GPD1L: variants seen among roughly 807,000 people sequenced by gnomAD.
GPD1L encodes glycerol-3-phosphate dehydrogenase 1 like, also known as glycerol-3-phosphate dehydrogenase 1-like protein.
Under a neutral mutation model 32.9 loss-of-function variants are expected in GPD1L, and 17 were observed. The ratio of observed to expected loss-of-function variants is 0.52; its 90% CI spans 0.35 to 0.78. The LOEUF is 0.78. Among genes scored for constraint, GPD1L ranks in the 30% least tolerant of loss-of-function variants. The probability of loss-of-function intolerance (pLI) is 0.01; values close to 1 mark genes in which losing one functional copy is unlikely to be tolerated. For synonymous variants in GPD1L, 187 were observed against 165.9 expected (o/e 1.13, Z -0.98); for missense variants, 361 against 447.8 (o/e 0.81, Z 1.75).
At position 32,138,685 on chromosome 3, in the gene GPD1L, T is replaced by C. The variant is rs770277485; in HGVS notation, c.324T>C (p.Thr108=). 1 of 1,614,078 alleles carries C rather than the reference T, an allele frequency of 6.2e-7. No individual in the cohort carries two copies. The highest frequency in any genetic ancestry group is 8.5e-7 in the Non-Finnish European group (1 of 1,179,956). The part of the protein sequence containing the change: ...QFIHRICDEI[T]GRVPKKALGI... The stretch of plus-strand genomic sequence containing the variant: ...TTCACAGAATCTGTGATGAGATCAC[T>C]GGGAGAGTGCCCAAGAAAGCGCTGG... Residue 108 remains threonine, a synonymous_variant, in exon 3 of 8, where the codon ACT becomes ACC. Coordinates refer to ENST00000282541, the MANE Select transcript of GPD1L (RefSeq NM_015141.4).
rs183206257 is a variant in GPD1L, at chr3:32,168,286, C to T, written c.*2376C>T. 1 of 152,730 alleles carries T rather than the reference C, an allele frequency of 6.5e-6. No individual in the cohort carries two copies. The highest frequency in any genetic ancestry group is 6.5e-5 in the Admixed American group (1 of 15,298). 9.5% of individuals were successfully genotyped at this position (152,730 alleles called of 1,614,324 possible). A position where few individuals can be genotyped will look rare whatever the true frequency, so the allele number is the denominator to read the frequency against. The stretch of plus-strand genomic sequence containing the variant: ...GCGAGTTATCTATTTTTATAACCAC[C>T]TGTGGTCCATTGTTCATTTTAATTC... On this transcript the variant is annotated 3_prime_UTR_variant, in exon 8 of 8. Coordinates refer to ENST00000282541, the MANE Select transcript of GPD1L (RefSeq NM_015141.4).
At chr3:32,152,309 G>A (rs1195363399) in intron 5 of GPD1L, among the ~76,000 whole-genome samples, 2 of 152,058 alleles carry the variant, frequency 1.3e-5, no homozygotes, top group East Asian at 1.9e-4. Flanking sequence ...TATAGAATTC[G>A]CAGGGATCCA....
intron 1 of GPD1L, among the ~76,000 whole-genome samples, chr3:32,107,848 G>A (rs1700186198): frequency 6.6e-6 from 1 of 152,146 alleles, no homozygotes; most frequent in East Asian, 1.9e-4. Flanking sequence ...TGCATTATAA[G>A]GAGTTATTTG....
chr3:32,119,135 A>G (rs1293563138), intron 1 of GPD1L, among the ~76,000 whole-genome samples: 4 of 152,232 alleles, frequency 2.6e-5, no homozygotes, highest in Non-Finnish European at 4.4e-5. Context: ...TATACCCAGA[A>G]ACAGAATTGC....
chr3:32,162,192 CT>C (rs1399347937), intron 7 of GPD1L, among the ~76,000 whole-genome samples: 1 of 152,132 alleles, frequency 6.6e-6, no homozygotes, highest in Non-Finnish European at 1.5e-5. Flanking sequence ...ACCATGGTCC[CT>C]ACCAGCTTGA....
At chr3:32,159,855 CAT>C (rs1373431972) in intron 7 of GPD1L, among the ~76,000 whole-genome samples, 181 bp downstream of exon 7, 4 of 152,328 alleles carry the variant, frequency 2.6e-5, no homozygotes, top group Admixed American at 1.3e-4. Context: ...ACTCCCAAAA[CAT>C]GTGTTTACAC....
intron 2 of GPD1L, among the ~76,000 whole-genome samples, chr3:32,133,652 G>A (rs1025905872): frequency 1.3e-5 from 2 of 152,112 alleles, no homozygotes; most frequent in African/African-American, 4.8e-5. Flanking sequence ...ATGAATGAAT[G>A]GAGAAAGCAT....
chr3:32,125,721 C>T (rs1206633868), intron 1 of GPD1L, among the ~76,000 whole-genome samples: 2 of 152,190 alleles, frequency 1.3e-5, no homozygotes, highest in Non-Finnish European at 1.5e-5. Context: ...TCTCTCTGAG[C>T]GGGTGGTAAG....
chr3:32,121,114 G>T (rs953013139), intron 1 of GPD1L, among the ~76,000 whole-genome samples: 9 of 152,012 alleles, frequency 5.9e-5, no homozygotes, highest in Non-Finnish European at 1.2e-4. Flanking sequence ...TGCCCACCCC[G>T]TCCCTTCCTT....
At chr3:32,115,035 G>A (rs9860131) in intron 1 of GPD1L, among the ~76,000 whole-genome samples, 62,773 of 152,068 alleles carry the variant, frequency 0.41, 14,716 homozygotes, top group East Asian at 0.64. Context: ...AAGCATCCAC[G>A]GAGTAGAAGG....
At chr3:32,137,336 G>T (rs1700677249) in intron 2 of GPD1L, among the ~76,000 whole-genome samples, 1 of 152,256 alleles carries the variant, frequency 6.6e-6, no homozygotes, top group Admixed American at 6.5e-5. Flanking sequence ...TGTGGTTGGT[G>T]TAGCATCATG....
At chr3:32,111,343 A>G (rs1415770215) in intron 1 of GPD1L, among the ~76,000 whole-genome samples, 1 of 152,188 alleles carries the variant, frequency 6.6e-6, no homozygotes, top group African/African-American at 2.4e-5. Flanking sequence ...GTGGTATAAG[A>G]AAGAGCTTGG....
Position 32,138,673 on chromosome 3 carries a change from T to C in GPD1L, c.312T>C (p.Cys104=). 1 of 1,614,050 alleles carries C rather than the reference T, an allele frequency of 6.2e-7. No individual in the cohort carries two copies. The highest frequency in any genetic ancestry group is 8.5e-7 in the Non-Finnish European group (1 of 1,179,948). The change falls in exon 3 of 8, where the codon TGT becomes TGC. Residue 104 remains cysteine, a synonymous_variant. Coordinates refer to ENST00000282541, the MANE Select transcript of GPD1L (RefSeq NM_015141.4). ...CCCACCAGTTCATTCACAGAATCTG[T>C]GATGAGATCACTGGGAGAGTGCCCA... is the stretch of plus-strand genomic sequence containing the variant. ...VIPHQFIHRI[C]DEITGRVPKK...
At chr3:32,123,818 A>ATAGG (rs1553657816) in intron 1 of GPD1L, among the ~76,000 whole-genome samples, 112 of 145,236 alleles carry the variant, frequency 7.7e-4, no homozygotes, top group African/African-American at 2.4e-3. Flanking sequence ...AGATAGATAG[A>ATAGG]TAGATAGATA....
At chr3:32,159,348 A>C (rs1165838973) in intron 6 of GPD1L, among the ~76,000 whole-genome samples, 1 of 151,890 alleles carries the variant, frequency 6.6e-6, no homozygotes, top group African/African-American at 2.4e-5. Flanking sequence ...AATTGATGCT[A>C]GGCCGGGCGT....
At chr3:32,146,514 G>T (rs9839702) in intron 4 of GPD1L, 108 bp from the exon 5 acceptor site, 1 of 746,978 alleles carries the variant, frequency 1.3e-6, no homozygotes, top group Non-Finnish European at 2.5e-6. Flanking sequence ...ATCCTATCAT[G>T]AACATGTTAC....
intron 7 of GPD1L, among the ~76,000 whole-genome samples, chr3:32,164,018 T>A (rs1417327617): frequency 6.6e-6 from 1 of 152,170 alleles, no homozygotes; most frequent in Non-Finnish European, 1.5e-5. Context: ...ACAAGAGTAG[T>A]CTGGGGTAAC....
intron 7 of GPD1L, among the ~76,000 whole-genome samples, chr3:32,165,394 C>T (rs1353694834): frequency 2.0e-5 from 1 of 50,196 alleles, no homozygotes; most frequent in Non-Finnish European, 3.5e-5. Flanking sequence ...TTATTTGTTA[C>T]CTTGGGATGA....
intron 5 of GPD1L, among the ~76,000 whole-genome samples, chr3:32,152,744 A>AGGGT (rs1202482756): frequency 6.6e-6 from 1 of 151,952 alleles, no homozygotes; most frequent in Non-Finnish European, 1.5e-5. Context: ...AGGGTAGCAT[A>AGGGT]GGGTGTGGCC....
Sources: gnomAD v4.1 joint callset for allele counts (sites outside exome capture counted in the v4.1 genomes callset) on GRCh38, gnomAD v4.1.1 for gene constraint, MANE v1.5 for transcripts, NCBI Gene and HGNC (gene_info 2026-07-23, HGNC 2026-07-21) for gene names.